Variants in MPPE1 observed in about 807,000 individuals in gnomAD.
The protein encoded by MPPE1 is metallophosphoesterase 1.
A neutral mutation model predicts 43.8 loss-of-function variants in MPPE1; 28 were observed. The ratio of observed to expected loss-of-function variants is 0.64; its 90% CI spans 0.47 to 0.88. The LOEUF (loss-of-function observed/expected upper bound fraction) is 0.88, where lower values mean the gene tolerates loss of function less well. Among genes scored for constraint, MPPE1 ranks in the 40% least tolerant of loss-of-function variants. The probability of loss-of-function intolerance (pLI) is 0.00; values close to 1 mark genes in which losing one functional copy is unlikely to be tolerated. For missense variants in MPPE1, 428 were observed against 492.2 expected (o/e 0.87, Z 1.23); for synonymous variants, 159 against 188.5 (o/e 0.84, Z 1.28).
chr18:11,886,680 G>C lies in MPPE1; in HGVS notation c.744+33C>G, dbSNP rs1399700853. On this transcript the variant is annotated intron_variant, in intron 8 of 10. Coordinates refer to ENST00000588072, the MANE Select transcript of MPPE1 (RefSeq NM_023075.6). The surrounding 1 kb of genome is among the most constrained non-coding windows in gnomAD (Gnocchi z 4.1). ...ATCGTGAAACCACAGGCTGCCTGCT[G>C]TCTGCCATGAGCCCTTTCCTCCCCC... 1.9e-6 allele frequency: 3 copies of C among 1,613,948 alleles called. No homozygotes were observed. The highest frequency in any genetic ancestry group is 1.7e-6 in the Non-Finnish European group (2 of 1,180,022).
chr18:11,883,063 G>GTCTT lies in MPPE1; in HGVS notation c.*1378_*1381dup, dbSNP rs1216308019. The GTCTT allele has an allele frequency of 6.6e-6, 1 of 152,030 alleles. No homozygotes were observed. The highest frequency in any genetic ancestry group is 2.4e-5 in the African/African-American group (1 of 41,402). 9.4% of individuals were successfully genotyped at this position (152,030 alleles called of 1,614,324 possible). ...TTACTTCATTATTACTCTTCTTTTA[G>GTCTT]TCTTTAGTCTTTAATATTTTAAAGT... On this transcript the variant is annotated 3_prime_UTR_variant, in exon 11 of 11. Coordinates refer to ENST00000588072, the MANE Select transcript of MPPE1 (RefSeq NM_023075.6).
rs2037231556 is a variant in MPPE1 at position 11,886,302 on chromosome 18, TG to T, written c.867+196del. ...GGGTAGGAAACAGAAGTAGGTTTAC[TG>T]GAAAAAAAAAAAGCGATTAAATGAA... On this transcript the variant is annotated intron_variant, in intron 9 of 10. Transcript: ENST00000588072. The surrounding 1 kb of genome is among the most constrained non-coding windows in gnomAD (Gnocchi z 4.1). 8 of 678,502 alleles carry T rather than the reference TG, an allele frequency of 1.2e-5. No individual in the cohort carries two copies. The highest frequency in any genetic ancestry group is 8.9e-5 in the South Asian group (5 of 56,160). The allele number at this position is 678,502 out of a possible 1,614,324, so 42.0% of individuals were successfully genotyped here.
Position 11,885,752 on chromosome 18 carries a change from T to C in MPPE1, c.932A>G (p.His311Arg). The C allele has an allele frequency of 1.9e-6, 3 of 1,614,080 alleles. No individual in the cohort carries two copies. Among genetic ancestry groups the C allele is most frequent in the East Asian group, 2.2e-5 (1 of 44,888 alleles). ...GAGCTCGGGGACTCGGCCCCCGTGG[T>C]GCACCTCGCAGGCGCTGTGCGTGTG... The part of the protein sequence containing the change: ...SGHTHSACEV[H>R]HGGRVPELSV... Residue 311 changes from histidine to arginine, a missense_variant, in exon 10 of 11, where the codon CAC (histidine) becomes CGC (arginine). Around this residue, in one of 3 missense-constraint regions of MPPE1, gnomAD observed 379 missense variants for 402.5 expected, o/e 0.94. Transcript: ENST00000588072.
intron 10 of MPPE1, 56 bp from the exon 11 acceptor site, chr18:11,884,683 C>T: frequency 6.4e-7 from 1 of 1,555,272 alleles, no homozygotes; most frequent in Non-Finnish European, 8.8e-7. Context: ...TTGAACACCG[C>T]AGTCTTAGAA....
At chr18:11,896,095 CTTTTTT>C (rs1178920790) in intron 3 of MPPE1, among the ~76,000 whole-genome samples, 42 of 80,448 alleles carry the variant, frequency 5.2e-4, no homozygotes, top group Admixed American at 1.9e-3. Flanking sequence ...ATTCTTTATT[CTTTTTT>C]TTTTTTTTTT....
chr18:11,889,517 A>G (rs749876427), intron 4 of MPPE1, 27 bp from the exon 5 acceptor site: 2 of 1,561,826 alleles, frequency 1.3e-6, no homozygotes, highest in South Asian at 2.3e-5. Flanking sequence ...CACTGCTGAG[A>G]GCCAGAGAAC....
rs370415521 is a variant in MPPE1 at position 11,889,510 on chromosome 18, T to C, written c.391-20A>G. 4 of 1,579,746 alleles carry C rather than the reference T, an allele frequency of 2.5e-6. No homozygotes were observed. Among genetic ancestry groups the C allele is most frequent in the Middle Eastern group, 3.4e-4 (2 of 5,962 alleles). ...CCAGGCCTGAGGGAAAAAGAATCACTGCTGAGAGCCAGAGAACCATCTCTG... is the reference window on the plus strand; with the variant it reads ...CCAGGCCTGAGGGAAAAAGAATCACCGCTGAGAGCCAGAGAACCATCTCTG... On this transcript the variant is annotated intron_variant, in intron 4 of 10. Coordinates refer to ENST00000588072, the MANE Select transcript of MPPE1 (RefSeq NM_023075.6).
At chr18:11,890,257 TA>T (rs2037854367) in intron 4 of MPPE1, among the ~76,000 whole-genome samples, 1 of 152,098 alleles carries the variant, frequency 6.6e-6, no homozygotes. Flanking sequence ...ATGTCTTTTT[TA>T]AAATTACAAT....
chr18:11,888,151 G>A (rs145911103), intron 6 of MPPE1, among the ~76,000 whole-genome samples: 4 of 152,310 alleles, frequency 2.6e-5, no homozygotes, highest in East Asian at 1.9e-4. Context: ...CTCGCAGAGC[G>A]GGAGCTGCTC....
intron 3 of MPPE1, 68 bp from the exon 4 acceptor site, chr18:11,893,644 C>T: frequency 7.8e-7 from 1 of 1,284,822 alleles, no homozygotes; most frequent in Non-Finnish European, 1.1e-6. Context: ...CTGTATTATG[C>T]ACCATTTAAA....
chr18:11,893,126 G>A (rs184368656), intron 4 of MPPE1: 30 of 212,362 alleles, frequency 1.4e-4, no homozygotes, highest in African/African-American at 6.6e-4. Flanking sequence ...TTGCAATTTC[G>A]GTGACAACTG....
At position 11,884,241 on chromosome 18, in the gene MPPE1, G is replaced by C. The variant is rs1064237; in HGVS notation, c.*204C>G. ...TTGATAAAAATGAGAAAACAGATTT[G>C]TTGTAGAGTACCTGTCCACTTTTAT... On this transcript the variant is annotated 3_prime_UTR_variant, in exon 11 of 11. Coordinates refer to ENST00000588072, the MANE Select transcript of MPPE1 (RefSeq NM_023075.6). 6 of 553,868 alleles carry C rather than the reference G, an allele frequency of 1.1e-5. No homozygotes were observed. In the African/African-American group the frequency reaches 1.1e-4, roughly 10 times the overall value. The allele number at this position is 553,868 out of a possible 1,614,324, so 34.3% of individuals were successfully genotyped here.
Position 11,886,348 on chromosome 18 carries a change from G to T in MPPE1, c.867+151C>A. 9.6e-7 allele frequency: 1 copy of T among 1,047,108 alleles called. No homozygotes were observed. Among genetic ancestry groups the T allele is most frequent in the East Asian group, 2.4e-5 (1 of 41,422 alleles). The allele number at this position is 1,047,108 out of a possible 1,614,324, so 64.9% of individuals were successfully genotyped here. On this transcript the variant is annotated intron_variant, in intron 9 of 10. Coordinates refer to ENST00000588072, the MANE Select transcript of MPPE1 (RefSeq NM_023075.6). This position sits in a 1 kb window ranked among gnomAD's most constrained non-coding sequence, Gnocchi z 4.1. ...AATGAAAATCTGAGATACTGTGAAA[G>T]CCAGGCCTCCACCCCTGTCCCCCCA...
At chr18:11,888,480 T>G (rs2037592786) in intron 6 of MPPE1, among the ~76,000 whole-genome samples, 189 bp downstream of exon 6, 1 of 152,130 alleles carries the variant, frequency 6.6e-6, no homozygotes. Flanking sequence ...CAGGGTGGTT[T>G]GAGGTTTCCC....
chr18:11,902,404 G>C, intron 2 of MPPE1: 1 of 152,212 alleles, frequency 6.6e-6, no homozygotes, highest in East Asian at 1.9e-4. Context: ...AATTTCCTTT[G>C]TTGTGATTAA....
At chr18:11,901,682 T>G (rs1296784683) in intron 2 of MPPE1, among the ~76,000 whole-genome samples, 1 of 151,826 alleles carries the variant, frequency 6.6e-6, no homozygotes, top group East Asian at 2.0e-4. Context: ...CTCCACTAAA[T>G]ACAAAAATTA....
rs1450296345 is a variant in MPPE1, at chr18:11,886,725, A to C, written c.732T>G (p.Pro244=). Residue 244 remains proline, a synonymous_variant, in exon 8 of 11, where the codon CCT becomes CCG. Transcript: ENST00000588072. This position sits in a 1 kb window ranked among gnomAD's most constrained non-coding sequence, Gnocchi z 4.1. Reference sequence around the variant, plus strand: ...TCCCCCAGCTCACCTGCAGGAGGACAGGGGCAGACGTGGGCAGCAGAGGCC... The same window carrying C: ...TCCCCCAGCTCACCTGCAGGAGGACCGGGGCAGACGTGGGCAGCAGAGGCC... ...GPGPLLPTSA[P]VLLQHYPLYR... is the part of the protein sequence containing the mutation. 1 of 1,613,482 alleles carries C rather than the reference A, an allele frequency of 6.2e-7. No homozygotes were observed. The highest frequency in any genetic ancestry group is 1.3e-5 in the African/African-American group (1 of 74,922).
chr18:11,905,324 C>CA (rs1045194680), intron 2 of MPPE1: 2,295 of 149,444 alleles, frequency 0.015, 56 homozygotes, highest in African/African-American at 0.054. Context: ...CAAAACAAAA[C>CA]AAAAAAAAAC....
At chr18:11,895,737 T>C (rs1176872954) in intron 3 of MPPE1, among the ~76,000 whole-genome samples, 3 of 152,118 alleles carry the variant, frequency 2.0e-5, no homozygotes, top group Non-Finnish European at 2.9e-5. Context: ...TTTTGTTTAT[T>C]GTTTTTTTGT....
Sources: gnomAD v4.1 joint callset for allele counts (sites outside exome capture counted in the v4.1 genomes callset) on GRCh38, gnomAD v4.1.1 for gene constraint, gnomAD v4.1.1 regional missense constraint, Gnocchi (gnomAD v3.1) non-coding constraint, MANE v1.5 for transcripts, NCBI Gene and HGNC (gene_info 2026-07-23, HGNC 2026-07-21) for gene names.